The following MYBL2 variants were observed in gnomAD, a reference collection of about 807,000 sequenced individuals.
MYBL2 encodes myb-related protein B.
MYBL2 carries 28 observed loss-of-function variants against 79.9 expected under a neutral mutation model. That is an observed-to-expected ratio of 0.35 (90% CI 0.26 to 0.48). The LOEUF is 0.48. Among genes scored for constraint, MYBL2 ranks in the 20% least tolerant of loss-of-function variants. The probability of loss-of-function intolerance (pLI) is 0.99; values close to 1 mark genes in which losing one functional copy is unlikely to be tolerated. For synonymous variants in MYBL2, 378 were observed against 361.2 expected (o/e 1.05, Z -0.53); for missense variants, 735 against 893.9 (o/e 0.82, Z 2.27).
chr20:43,701,218 C>T (rs950992629), intron 7 of MYBL2, among the ~76,000 whole-genome samples: 1 of 152,332 alleles, frequency 6.6e-6, no homozygotes, highest in East Asian at 1.9e-4. Context: ...GGAGTTACTG[C>T]GTGTGTGGAA....
Position 43,709,955 on chromosome 20 carries a change from C to T in MYBL2, c.1506-8C>T, listed in dbSNP as rs149186573. On this transcript the variant is annotated splice_polypyrimidine_tract_variant and splice_region_variant and intron_variant, in intron 9 of 13. Coordinates refer to ENST00000217026, the MANE Select transcript of MYBL2 (RefSeq NM_002466.4). ...TGTCACTAGTTCCCCCGTTCTGGCCCCTGGCAGGTTTGTAACCCCAGATCA... is the reference window on the plus strand; with the variant it reads ...TGTCACTAGTTCCCCCGTTCTGGCCTCTGGCAGGTTTGTAACCCCAGATCA... The T allele has an allele frequency of 2.5e-3, 4,035 of 1,600,536 alleles. 10 individuals carry two copies. The highest frequency in any genetic ancestry group is 3.1e-3 in the Non-Finnish European group (3,631 of 1,172,582).
At chr20:43,712,245 T>C (rs906215888) in intron 11 of MYBL2, among the ~76,000 whole-genome samples, 1 of 152,164 alleles carries the variant, frequency 6.6e-6, no homozygotes, top group Non-Finnish European at 1.5e-5. Flanking sequence ...AGTCTCCTAG[T>C]GCTCCTTTTT....
chr20:43,706,873 A>T (rs1987798885), intron 9 of MYBL2, among the ~76,000 whole-genome samples: 2 of 150,374 alleles, frequency 1.3e-5, no homozygotes, highest in African/African-American at 4.9e-5. Context: ...GCGCCACCAC[A>T]CCCAGCTAAT....
chr20:43,692,271 G>A lies in MYBL2; in HGVS notation c.615G>A (p.Glu205=). Residue 205 remains glutamate, a synonymous_variant, in exon 6 of 14, where the codon GAG becomes GAA. Transcript: ENST00000217026. ...AGCCCCCAGTGTACTTGCTGCTGGAGCTCGAGGACAAGGACGGCCTCCAGA... is the reference window on the plus strand; with the variant it reads ...AGCCCCCAGTGTACTTGCTGCTGGAACTCGAGGACAAGGACGGCCTCCAGA... The part of the protein sequence containing the change: ...DCKPPVYLLL[E]LEDKDGLQSA... 1 of 1,614,208 alleles carries A rather than the reference G, an allele frequency of 6.2e-7. No individual in the cohort carries two copies. The highest frequency in any genetic ancestry group is 8.5e-7 in the Non-Finnish European group (1 of 1,180,036).
chr20:43,675,286 C>G (rs1164441610), intron 2 of MYBL2, among the ~76,000 whole-genome samples: 1 of 151,858 alleles, frequency 6.6e-6, no homozygotes, highest in Non-Finnish European at 1.5e-5. Flanking sequence ...GGCCAAATGC[C>G]CCTTTTTATG....
At chr20:43,703,032 G>A in intron 8 of MYBL2, 129 bp downstream of exon 8, 1 of 1,062,372 alleles carries the variant, frequency 9.4e-7, no homozygotes, top group Non-Finnish European at 1.3e-6. Flanking sequence ...AGGAAGACCA[G>A]GTAACTAAAA....
chr20:43,687,399 A>G (rs960893997), intron 5 of MYBL2, among the ~76,000 whole-genome samples: 7 of 152,210 alleles, frequency 4.6e-5, no homozygotes, highest in African/African-American at 1.7e-4. Flanking sequence ...AGTTTCTTCT[A>G]ACACAGAATA....
Position 43,699,828 on chromosome 20 carries a change from TGCA to T in MYBL2, c.741_743del (p.Ala248del). ...AGGAGGAAAACAGTGAGGAGGAACT[TGCA>T]GCAGCCACCACATCGAAGGAACAGG... On this transcript the variant is annotated inframe_deletion, in exon 7 of 14. Coordinates refer to ENST00000217026, the MANE Select transcript of MYBL2 (RefSeq NM_002466.4). The T allele has an allele frequency of 6.2e-7, 1 of 1,614,154 alleles. No homozygotes were observed. Among genetic ancestry groups the T allele is most frequent in the Non-Finnish European group, 8.5e-7 (1 of 1,180,026 alleles).
At chr20:43,689,552 T>G (rs1008653061) in intron 5 of MYBL2, among the ~76,000 whole-genome samples, 2 of 152,194 alleles carry the variant, frequency 1.3e-5, no homozygotes, top group African/African-American at 4.8e-5. Context: ...GTGCCTATTG[T>G]GTAGCTAATG....
At chr20:43,702,034 G>A (rs1430512016) in intron 7 of MYBL2, among the ~76,000 whole-genome samples, 1 of 152,200 alleles carries the variant, frequency 6.6e-6, no homozygotes, top group Non-Finnish European at 1.5e-5. Context: ...GGCTGAGGCA[G>A]GAGAATTGCT....
chr20:43,671,229 C>T (rs1414084240), intron 1 of MYBL2, among the ~76,000 whole-genome samples: 2 of 152,034 alleles, frequency 1.3e-5, no homozygotes, highest in Non-Finnish European at 2.9e-5. Flanking sequence ...GATCTCTGCT[C>T]ACTGCAACCT....
intron 2 of MYBL2, among the ~76,000 whole-genome samples, chr20:43,677,417 CTT>C (rs1453627276): frequency 6.6e-6 from 1 of 152,162 alleles, no homozygotes; most frequent in Non-Finnish European, 1.5e-5. Context: ...GTTAAGGAAA[CTT>C]ATGTGGAGAA....
At chr20:43,692,992 C>G (rs751577139) in intron 6 of MYBL2, among the ~76,000 whole-genome samples, 2 of 152,112 alleles carry the variant, frequency 1.3e-5, no homozygotes, top group Non-Finnish European at 2.9e-5. Flanking sequence ...ATAATTTTGA[C>G]TTTTCTAGAA....
At chr20:43,712,603 C>A (rs182607634) in intron 11 of MYBL2, among the ~76,000 whole-genome samples, 39 of 152,176 alleles carry the variant, frequency 2.6e-4, no homozygotes, top group African/African-American at 9.4e-4. Context: ...AGGGGCTTGT[C>A]CTGAGGGGTT....
intron 5 of MYBL2, among the ~76,000 whole-genome samples, chr20:43,690,244 C>T (rs1326191149): frequency 2.0e-5 from 3 of 149,352 alleles, no homozygotes; most frequent in African/African-American, 7.4e-5. Flanking sequence ...CTTGCTCTGT[C>T]GCCCAGGCTG....
chr20:43,704,869 C>A (rs1023674162), intron 8 of MYBL2, among the ~76,000 whole-genome samples: 1 of 152,174 alleles, frequency 6.6e-6, no homozygotes, highest in Non-Finnish European at 1.5e-5. Context: ...ATGCCTTTTG[C>A]CTTCACAGGT....
chr20:43,683,542 G>C (rs1987192353), intron 4 of MYBL2, among the ~76,000 whole-genome samples: 1 of 149,766 alleles, frequency 6.7e-6, no homozygotes, highest in Admixed American at 6.7e-5. Flanking sequence ...GAGATGAAGG[G>C]AACTAGGCAT....
At chr20:43,681,419 C>T (rs1987140016) in intron 2 of MYBL2, among the ~76,000 whole-genome samples, 1 of 152,188 alleles carries the variant, frequency 6.6e-6, no homozygotes, top group Non-Finnish European at 1.5e-5. Context: ...CCCTATGGTT[C>T]CCTCCAAAAT....
intron 5 of MYBL2, among the ~76,000 whole-genome samples, chr20:43,690,294 G>A (rs1216241259): frequency 1.3e-5 from 2 of 151,350 alleles, no homozygotes; most frequent in East Asian, 1.9e-4. Context: ...CAACCTCCGC[G>A]TCCCAGGTTC....
Sources: gnomAD v4.1 joint callset for allele counts (sites outside exome capture counted in the v4.1 genomes callset) on GRCh38, gnomAD v4.1.1 for gene constraint, MANE v1.5 for transcripts, NCBI Gene and HGNC (gene_info 2026-07-23, HGNC 2026-07-21) for gene names.